Variants in SLC7A8 observed in about 807,000 individuals in gnomAD.
The protein encoded by SLC7A8 is solute carrier family 7 member 8.
A neutral mutation model predicts 51.2 loss-of-function variants in SLC7A8; 30 were observed. The observed-to-expected ratio is 0.59, with a 90% CI of 0.44 to 0.80. SLC7A8 has a LOEUF of 0.80. SLC7A8 is among the 30% of genes least tolerant of loss of function. SLC7A8 has a pLI of 0.00. For synonymous variants in SLC7A8, 257 were observed against 275.8 expected (o/e 0.93, Z 0.67); for missense variants, 612 against 674.4 (o/e 0.91, Z 1.03).
chr14:23,127,713 G>A (rs1267853575), intron 10 of SLC7A8, among the ~76,000 whole-genome samples: 1 of 152,168 alleles, frequency 6.6e-6, no homozygotes, highest in African/African-American at 2.4e-5. Flanking sequence ...AACCTCCTGG[G>A]CTCAAGTGAT....
chr14:23,161,963 T>G (rs1256749711), intron 3 of SLC7A8, among the ~76,000 whole-genome samples: 2 of 146,570 alleles, frequency 1.4e-5, no homozygotes, highest in East Asian at 4.0e-4. Context: ...CAAGCCTTCC[T>G]GACAGCTTGG....
chr14:23,172,935 CA>C (rs2048982015), intron 1 of SLC7A8, among the ~76,000 whole-genome samples: 1 of 151,772 alleles, frequency 6.6e-6, no homozygotes, highest in African/African-American at 2.4e-5. Flanking sequence ...AAGCTAAGCC[CA>C]AAAATGTAGT....
chr14:23,160,367 C>A (rs1205414773), intron 3 of SLC7A8, among the ~76,000 whole-genome samples: 1 of 152,040 alleles, frequency 6.6e-6, no homozygotes. Flanking sequence ...GTCAGGAGAT[C>A]GAGACCATTC....
At chr14:23,154,998 C>CAAAAAAAAAAAAAAAAAAAAA (rs33973055) in intron 3 of SLC7A8, among the ~76,000 whole-genome samples, 1 of 89,438 alleles carries the variant, frequency 1.1e-5, no homozygotes, top group Admixed American at 1.3e-4. Context: ...ACACAACAGA[C>CAAAAAAAAAAAAAAAAAAAAA]AAAAAAAAAA....
At chr14:23,132,669 CT>C (rs2048648599) in intron 7 of SLC7A8, among the ~76,000 whole-genome samples, 1 of 148,842 alleles carries the variant, frequency 6.7e-6, no homozygotes, top group Non-Finnish European at 1.5e-5. Context: ...GAGTTTCACT[CT>C]TGTTGCCCAG....
chr14:23,175,578 A>T (rs1046213365), intron 1 of SLC7A8, among the ~76,000 whole-genome samples: 9 of 152,124 alleles, frequency 5.9e-5, no homozygotes, highest in African/African-American at 2.2e-4. Flanking sequence ...ATAGTTTCTT[A>T]CCTGCCGGGT....
chr14:23,173,237 C>G (rs148205193), intron 1 of SLC7A8, among the ~76,000 whole-genome samples: 1 of 152,108 alleles, frequency 6.6e-6, no homozygotes, highest in East Asian at 1.9e-4. Flanking sequence ...GATACCACCA[C>G]GCAGAGCAGA....
chr14:23,154,998 C>CAAAAAAAAAAAA (rs33973055), intron 3 of SLC7A8, among the ~76,000 whole-genome samples: 22 of 89,370 alleles, frequency 2.5e-4, no homozygotes, highest in East Asian at 7.4e-4. Flanking sequence ...ACACAACAGA[C>CAAAAAAAAAAAA]AAAAAAAAAA....
At chr14:23,150,348 A>G (rs58909636) in intron 3 of SLC7A8, among the ~76,000 whole-genome samples, 19,463 of 151,996 alleles carry the variant, frequency 0.13, 3,165 homozygotes, top group African/African-American at 0.38. Context: ...GAACAAGTGA[A>G]CGGAGCTCAG....
chr14:23,138,049 G>A, intron 6 of SLC7A8, 25 bp from the exon 7 acceptor site: 2 of 1,613,292 alleles, frequency 1.2e-6, no homozygotes, highest in Non-Finnish European at 1.7e-6. Context: ...AAGGAGATAA[G>A]CAAAGGAGAG....
chr14:23,136,456 A>G (rs2048690958), intron 7 of SLC7A8, among the ~76,000 whole-genome samples: 1 of 152,156 alleles, frequency 6.6e-6, no homozygotes, highest in African/African-American at 2.4e-5. Flanking sequence ...CAGCTAGCCG[A>G]TAACGGAGGA....
chr14:23,173,719 G>A (rs2140339527), intron 1 of SLC7A8, among the ~76,000 whole-genome samples: 1 of 151,984 alleles, frequency 6.6e-6, no homozygotes, highest in East Asian at 1.9e-4. Flanking sequence ...ACAGCTCACT[G>A]CAACCTCTGC....
chr14:23,149,249 T>C (rs1487547250), intron 3 of SLC7A8, among the ~76,000 whole-genome samples: 1 of 152,236 alleles, frequency 6.6e-6, no homozygotes, highest in Non-Finnish European at 1.5e-5. Context: ...CAAACAGCCT[T>C]GCCTTGTAAC....
intron 4 of SLC7A8, among the ~76,000 whole-genome samples, chr14:23,142,334 C>T (rs534235547): frequency 2.6e-5 from 4 of 152,192 alleles, no homozygotes; most frequent in South Asian, 2.1e-4. Context: ...GCAGGGGCCC[C>T]GGGAATGCAG....
chr14:23,166,166 G>C lies in SLC7A8; in HGVS notation c.356+170C>G, dbSNP rs1421622714. 2.0e-5 allele frequency among the ~76,000 whole-genome samples: 3 copies of C among 152,132 alleles called. No homozygotes were observed. In the South Asian group the frequency reaches 6.2e-4, roughly 32 times the overall value. Reference sequence around the variant, plus strand: ...ATCGGGAGCCTCAAGGGGATACAAGGCTACACTAGCAACCATGGCAGGAAA... The same window carrying C: ...ATCGGGAGCCTCAAGGGGATACAAGCCTACACTAGCAACCATGGCAGGAAA... On this transcript the variant is annotated intron_variant, in intron 2 of 10. Coordinates refer to ENST00000316902, the MANE Select transcript of SLC7A8 (RefSeq NM_012244.4).
rs1378745472 is a variant in SLC7A8 at position 23,166,320 on chromosome 14, C to T, written c.356+16G>A. Reference sequence around the variant, plus strand: ...CTTTTCCCCTAGACCATTCAGGTCTCCACAGATCCTCTTACCCAGCCAGTC... The same window carrying T: ...CTTTTCCCCTAGACCATTCAGGTCTTCACAGATCCTCTTACCCAGCCAGTC... On this transcript the variant is annotated intron_variant, in intron 2 of 10. Coordinates refer to ENST00000316902, the MANE Select transcript of SLC7A8 (RefSeq NM_012244.4). 4 of 1,611,880 alleles carry T rather than the reference C, an allele frequency of 2.5e-6. No individual in the cohort carries two copies. In the Admixed American group the frequency reaches 6.7e-5, roughly 27 times the overall value.
chr14:23,161,718 A>G (rs1594836480), intron 3 of SLC7A8, among the ~76,000 whole-genome samples: 1 of 152,150 alleles, frequency 6.6e-6, no homozygotes, highest in South Asian at 2.1e-4. Flanking sequence ...ACTTGAGGTC[A>G]GGAGTTTGAG....
intron 1 of SLC7A8, among the ~76,000 whole-genome samples, chr14:23,173,021 C>G (rs1006399981): frequency 2.0e-5 from 3 of 152,172 alleles, no homozygotes; most frequent in Non-Finnish European, 4.4e-5. Flanking sequence ...AATTTACCAT[C>G]TTAACCATTT....
rs146795841 is a variant in SLC7A8, at chr14:23,127,305, C to T, written c.1480G>A (p.Val494Met). Residue 494 changes from valine (V) to methionine (M), a missense_variant, in exon 11 of 11, where the codon GTG (valine) becomes ATG (methionine). Val to Met is a conservative substitution (Grantham distance 21). Transcript: ENST00000316902. ...GAGCCCCGCTCCACCTCGGGGTACACGACCACACACATCTTCTGGCTCACC... is the reference window on the plus strand; with the variant it reads ...GAGCCCCGCTCCACCTCGGGGTACATGACCACACACATCTTCTGGCTCACC... ...TLVSQKMCVVVYPEVERGSGT... is the reference protein window; with the variant it reads ...TLVSQKMCVVMYPEVERGSGT... The T allele has an allele frequency of 2.4e-5, 38 of 1,614,000 alleles. No homozygotes were observed. Among genetic ancestry groups the T allele is most frequent in the African/African-American group, 6.7e-5 (5 of 74,920 alleles).
Sources: allele counts gnomAD v4.1 joint callset (sites outside exome capture counted in the v4.1 genomes callset), GRCh38; gene constraint gnomAD v4.1.1; transcripts MANE v1.5; gene names NCBI Gene and HGNC (gene_info 2026-07-23, HGNC 2026-07-21).